Variants in PTGER3 observed in about 807,000 individuals in gnomAD.
PTGER3 encodes the protein prostaglandin E receptor 3.
Under a neutral mutation model 34.7 loss-of-function variants are expected in PTGER3, and 22 were observed. The ratio of observed to expected loss-of-function variants is 0.63; its 90% CI spans 0.45 to 0.91. The LOEUF is 0.91. PTGER3 is among the 40% of genes least tolerant of loss of function. The pLI, the probability that PTGER3 is intolerant of heterozygous loss-of-function variation, is 0.00. For synonymous variants in PTGER3, 241 were observed against 230.1 expected (o/e 1.05, Z -0.43); for missense variants, 468 against 519.4 (o/e 0.90, Z 0.96).
chr1:70,876,386 G>A (rs1484876378), intron 4 of PTGER3, among the ~76,000 whole-genome samples: 2 of 151,020 alleles, frequency 1.3e-5, no homozygotes. Flanking sequence ...CATTCTCTAG[G>A]TTGTCTGTTT....
At chr1:71,027,628 T>C (rs918906180) in intron 1 of PTGER3, among the ~76,000 whole-genome samples, 5 of 152,192 alleles carry the variant, frequency 3.3e-5, no homozygotes, top group African/African-American at 1.2e-4. Flanking sequence ...GTTAAAACAA[T>C]TGGAAAATCA....
chr1:70,927,661 C>CA (rs1276989352), intron 4 of PTGER3, among the ~76,000 whole-genome samples: 25 of 152,006 alleles, frequency 1.6e-4, no homozygotes, highest in Admixed American at 7.9e-4. Context: ...TGACATCATT[C>CA]AAAAAAGAGC....
At chr1:70,944,800 T>G (rs1330105198) in intron 4 of PTGER3, among the ~76,000 whole-genome samples, 1 of 152,156 alleles carries the variant, frequency 6.6e-6, no homozygotes, top group Non-Finnish European at 1.5e-5. Context: ...TCAGAAGTAC[T>G]AAATCTGTGC....
At chr1:70,953,740 T>G (rs2100594665) in intron 3 of PTGER3, 3 of 1,535,638 alleles carry the variant, frequency 2.0e-6, no homozygotes, top group Non-Finnish European at 2.6e-6. Context: ...GCAACTAGTT[T>G]TAATACTATC....
At chr1:70,899,373 G>T (rs1021997186) in intron 4 of PTGER3, among the ~76,000 whole-genome samples, 3 of 152,158 alleles carry the variant, frequency 2.0e-5, no homozygotes, top group South Asian at 2.1e-4. Flanking sequence ...AAAGGAGAAG[G>T]CTTCCCAAAG....
chr1:70,999,209 T>C (rs756578974), intron 2 of PTGER3, among the ~76,000 whole-genome samples: 4 of 152,118 alleles, frequency 2.6e-5, no homozygotes, highest in Non-Finnish European at 5.9e-5. Context: ...GATGTACAAA[T>C]TTTTCCACTT....
At chr1:70,953,693 T>C in intron 3 of PTGER3, 1 of 1,534,614 alleles carries the variant, frequency 6.5e-7, no homozygotes, top group East Asian at 2.5e-5. Flanking sequence ...TGACAAACAG[T>C]ACAGTTGGCA....
chr1:71,040,182 A>G (rs1660192199), intron 1 of PTGER3, among the ~76,000 whole-genome samples: 1 of 151,518 alleles, frequency 6.6e-6, no homozygotes, highest in South Asian at 2.1e-4. Context: ...GAGGGAAGGG[A>G]AGGGAAGGGA....
In PTGER3 at chr1:70,983,987, C is replaced by T. The variant is rs141235688; in HGVS notation, c.1078-9599G>A. Among the ~76,000 whole-genome samples, 151 of 152,210 alleles carry T rather than the reference C, an allele frequency of 9.9e-4. 2 individuals carry two copies. The East Asian group carries it at 0.021, about 22-fold the overall frequency. ...TGGAAAGCCTGAACTGGCCGGAAGA[C>T]GAACGGTACACACAACCTTTGGGTT... On this transcript the variant is annotated intron_variant, in intron 2 of 3. Coordinates refer to ENST00000306666, the MANE Select transcript of PTGER3 (RefSeq NM_198719.2).
At position 71,047,114 on chromosome 1, in the gene PTGER3, C is replaced by T; in HGVS notation, c.464G>A (p.Arg155Gln). The T allele has an allele frequency of 6.2e-7, 1 of 1,603,782 alleles. No individual in the cohort carries two copies. Among genetic ancestry groups the T allele is most frequent in the Non-Finnish European group, 8.5e-7 (1 of 1,175,624 alleles). ...GTGCGGCGCCCTGATGGCCAGCGCC[C>T]GCTCGACGGCCATGGCGCTGGCGAT... ...LFIASAMAVERALAIRAPHWY... is the reference protein window; with the variant it reads ...LFIASAMAVEQALAIRAPHWY... The change falls in exon 1 of 4, where the codon CGG becomes CAG. Residue 155 changes from arginine (R) to glutamine (Q), a missense_variant. Physicochemically the swap from Arg to Gln is conservative, Grantham distance 43 (BLOSUM62 1). Around this residue, in one of 5 missense-constraint regions of PTGER3, gnomAD observed 53 missense variants for 93.9 expected, o/e 0.56. Transcript: ENST00000306666.
chr1:70,870,832 T>C (rs1385321375), intron 4 of PTGER3, among the ~76,000 whole-genome samples: 2 of 152,212 alleles, frequency 1.3e-5, no homozygotes, highest in African/African-American at 2.4e-5. Context: ...CTCCTCAGCC[T>C]GGATTTTATT....
chr1:71,039,001 A>AG (rs1329045967), intron 1 of PTGER3, among the ~76,000 whole-genome samples: 16 of 152,354 alleles, frequency 1.1e-4, no homozygotes, highest in Admixed American at 4.6e-4. Flanking sequence ...GTGCACATAT[A>AG]GGATAACAGG....
chr1:70,959,305 C>A (rs552011674), intron 2 of PTGER3, among the ~76,000 whole-genome samples: 27 of 152,084 alleles, frequency 1.8e-4, no homozygotes, highest in Non-Finnish European at 2.8e-4. Context: ...TTGTTTTCTC[C>A]AATCCATGAA....
intron 4 of PTGER3, among the ~76,000 whole-genome samples, chr1:70,946,090 G>A (rs1476602522): frequency 6.6e-6 from 1 of 152,100 alleles, no homozygotes; most frequent in African/African-American, 2.4e-5. Context: ...TTGGGATTGT[G>A]TTGATATCTG....
intron 4 of PTGER3, among the ~76,000 whole-genome samples, chr1:70,910,840 T>C (rs1230856540): frequency 6.6e-6 from 1 of 152,110 alleles, no homozygotes; most frequent in Non-Finnish European, 1.5e-5. Context: ...CCCAGCACTT[T>C]GGGAGGCCGA....
chr1:71,005,574 A>G (rs1415571748), intron 2 of PTGER3, among the ~76,000 whole-genome samples: 1 of 152,166 alleles, frequency 6.6e-6, no homozygotes, highest in Non-Finnish European at 1.5e-5. Flanking sequence ...GTTTTTATTA[A>G]TTCTTGGGTC....
intron 4 of PTGER3, among the ~76,000 whole-genome samples, chr1:70,863,963 T>C (rs1645986331): frequency 6.6e-6 from 1 of 152,138 alleles, no homozygotes; most frequent in Non-Finnish European, 1.5e-5. Context: ...CATGGAAGGT[T>C]CTTGAGCAGG....
At chr1:70,856,964 T>C (rs1645820207) in intron 4 of PTGER3, among the ~76,000 whole-genome samples, 1 of 152,228 alleles carries the variant, frequency 6.6e-6, no homozygotes, top group African/African-American at 2.4e-5. Context: ...ATGTCAAACA[T>C]AGAAAACTTG....
intron 2 of PTGER3, chr1:71,008,242 G>T: frequency 1.1e-6 from 1 of 930,874 alleles, no homozygotes; most frequent in Non-Finnish European, 1.3e-6. Flanking sequence ...GAAACTGATT[G>T]ATACAAAGCT....
Sources: gnomAD v4.1 joint callset for allele counts (sites outside exome capture counted in the v4.1 genomes callset) on GRCh38, gnomAD v4.1.1 for gene constraint, gnomAD v4.1.1 regional missense constraint, MANE v1.5 for transcripts, NCBI Gene and HGNC (gene_info 2026-07-23, HGNC 2026-07-21) for gene names.